Variants in IFRD1 observed in about 807,000 individuals in gnomAD.
IFRD1 encodes interferon related developmental regulator 1.
In IFRD1, 35 loss-of-function variants were observed where a neutral mutation model predicts 52.9. The observed-to-expected ratio is 0.66, with a 90% CI of 0.51 to 0.88. The LOEUF (loss-of-function observed/expected upper bound fraction) is 0.88, where lower values mean the gene tolerates loss of function less well. Ranked by LOEUF, IFRD1 falls within the 40% of genes least tolerant of loss-of-function variation. The probability of loss-of-function intolerance (pLI) is 0.00; values close to 1 mark genes in which losing one functional copy is unlikely to be tolerated. For synonymous variants in IFRD1, 184 were observed against 188.4 expected (o/e 0.98, Z 0.19); for missense variants, 517 against 550.8 (o/e 0.94, Z 0.61).
At chr7:112,445,062 C>CT (rs3057810) in intron 1 of IFRD1, among the ~76,000 whole-genome samples, 6,844 of 102,682 alleles carry the variant, frequency 0.067, 276 homozygotes, top group Admixed American at 0.13. Flanking sequence ...CCTAGGCTTT[C>CT]TTTTTTTTTT....
chr7:112,429,748 G>A (rs970383900), intron 1 of IFRD1, among the ~76,000 whole-genome samples: 14 of 151,756 alleles, frequency 9.2e-5, no homozygotes, highest in Admixed American at 3.3e-4. Context: ...TTTTTCTTTC[G>A]GGATAAGGCA....
chr7:112,459,850 A>G (rs901909379), intron 5 of IFRD1, among the ~76,000 whole-genome samples: 1 of 152,226 alleles, frequency 6.6e-6, no homozygotes, highest in Admixed American at 6.5e-5. Context: ...CTTACCAGCC[A>G]CCTGGAGGCT....
chr7:112,450,830 C>T (rs755026374), intron 1 of IFRD1, 48 bp downstream of exon 1: 49 of 1,327,412 alleles, frequency 3.7e-5, no homozygotes, highest in Non-Finnish European at 4.7e-5. Flanking sequence ...GCCAGGCTGG[C>T]GAGTCTTCCA....
intron 8 of IFRD1, among the ~76,000 whole-genome samples, chr7:112,462,829 G>C (rs1403220126): frequency 2.1e-5 from 1 of 48,716 alleles, no homozygotes; most frequent in African/African-American, 1.2e-4. Context: ...AATAAACACT[G>C]CTCATTAAGA....
At chr7:112,464,538 A>C (rs1178247159) in intron 8 of IFRD1, among the ~76,000 whole-genome samples, 2 of 152,154 alleles carry the variant, frequency 1.3e-5, no homozygotes, top group Non-Finnish European at 2.9e-5. Context: ...AAAATGGATA[A>C]ATTATTAGTC....
At chr7:112,446,701 A>C (rs545886990), upstream of IFRD1, among the ~76,000 whole-genome samples, 1 of 152,286 alleles carries the variant, frequency 6.6e-6, no homozygotes, top group African/African-American at 2.4e-5. Flanking sequence ...CGGGTTGATC[A>C]TATCAGGCAG....
chr7:112,450,452 C>A, upstream of IFRD1: 2 of 570,058 alleles, frequency 3.5e-6, no homozygotes, highest in South Asian at 3.9e-5. Flanking sequence ...CGTGGCCTCC[C>A]CTGCCCCGCC....
At chr7:112,446,358 C>T, upstream of IFRD1, 1 of 187,816 alleles carries the variant, frequency 5.3e-6, no homozygotes, top group African/African-American at 2.4e-5. Flanking sequence ...TACGCTTATT[C>T]TTCTCAGGAG....
At chr7:112,432,006 C>T (rs180949648) in intron 1 of IFRD1, among the ~76,000 whole-genome samples, 30 of 152,288 alleles carry the variant, frequency 2.0e-4, no homozygotes, top group Admixed American at 1.2e-3. Flanking sequence ...GTTGTGTTGG[C>T]GGTATGAACA....
chr7:112,457,273 A>G (rs1795319745), intron 4 of IFRD1: 1 of 589,938 alleles, frequency 1.7e-6, no homozygotes, highest in East Asian at 2.8e-5. Flanking sequence ...GTAGATTGTC[A>G]TCAACCTTTT....
intron 1 of IFRD1, among the ~76,000 whole-genome samples, chr7:112,440,495 A>G (rs1794853791): frequency 6.6e-6 from 1 of 152,256 alleles, no homozygotes; most frequent in South Asian, 2.1e-4. Flanking sequence ...TCAGTTTGGC[A>G]TAGGTTTTTA....
At chr7:112,438,112 G>A (rs1193912514) in intron 1 of IFRD1, among the ~76,000 whole-genome samples, 1 of 152,166 alleles carries the variant, frequency 6.6e-6, no homozygotes, top group East Asian at 1.9e-4. Context: ...GGGTTCTGGA[G>A]TTTGGGATAA....
intron 1 of IFRD1, among the ~76,000 whole-genome samples, chr7:112,444,398 G>A (rs758718146): frequency 3.3e-5 from 5 of 152,088 alleles, no homozygotes; most frequent in Non-Finnish European, 5.9e-5. Flanking sequence ...TTTGCCCGCC[G>A]AATCATTTCT....
chr7:112,427,593 GA>G, intron 1 of IFRD1, among the ~76,000 whole-genome samples: 1 of 152,106 alleles, frequency 6.6e-6, no homozygotes, highest in Non-Finnish European at 1.5e-5. Context: ...ATGATAAGTA[GA>G]AAAACAACAT....
At position 112,459,116 on chromosome 7, in the gene IFRD1, A is replaced by G. The variant is rs1049504022; in HGVS notation, c.567+98A>G. On this transcript the variant is annotated intron_variant, in intron 5 of 11. Coordinates refer to ENST00000403825, the MANE Select transcript of IFRD1 (RefSeq NM_001550.4). ...TACCAGCTACTCAAGAGGCTGAGGC[A>G]AGAGAGAGGATCTTGTAAGTCCAGG... 17 of 1,020,040 alleles carry G rather than the reference A, an allele frequency of 1.7e-5. No individual in the cohort carries two copies. The African/African-American group carries it at 1.9e-4, about 11-fold the overall frequency. 63.2% of individuals were successfully genotyped at this position (1,020,040 alleles called of 1,614,324 possible).
At chr7:112,463,424 C>CAATGGAATTTTGTTTTT (rs1795495546) in intron 8 of IFRD1, among the ~76,000 whole-genome samples, 2 of 152,092 alleles carry the variant, frequency 1.3e-5, no homozygotes, top group Non-Finnish European at 2.9e-5. Flanking sequence ...CATTCTAGGC[C>CAATGGAATTTTGTTTTT]TGTATTGAAG....
chr7:112,431,150 C>G (rs971798323), intron 1 of IFRD1, among the ~76,000 whole-genome samples: 7 of 152,174 alleles, frequency 4.6e-5, no homozygotes, highest in African/African-American at 1.4e-4. Flanking sequence ...TAGTGCTTTA[C>G]AGGGCACAAA....
rs192986341 is a variant in IFRD1 at position 112,476,793 on chromosome 7, C to T, written c.*1274C>T. 1 of 152,250 alleles carries T rather than the reference C, an allele frequency of 6.6e-6. No individual in the cohort carries two copies. Among genetic ancestry groups the T allele is most frequent in the Admixed American group, 6.5e-5 (1 of 15,290 alleles). 9.4% of individuals were successfully genotyped at this position (152,250 alleles called of 1,614,324 possible). ...TGCAAGCAACATGCCATTTCAAATC[C>T]GTAGACTTGTTTCTTTGATACTCTT... On this transcript the variant is annotated 3_prime_UTR_variant, in exon 12 of 12. Transcript: ENST00000403825.
At chr7:112,456,556 T>G (rs1056161462) in intron 3 of IFRD1, among the ~76,000 whole-genome samples, 4 of 151,592 alleles carry the variant, frequency 2.6e-5, no homozygotes, top group Non-Finnish European at 2.9e-5. Context: ...AAGATGCAAT[T>G]CTAGACTTTT....
Sources: allele counts gnomAD v4.1 joint callset (sites outside exome capture counted in the v4.1 genomes callset), GRCh38; gene constraint gnomAD v4.1.1; transcripts MANE v1.5; gene names NCBI Gene and HGNC (gene_info 2026-07-23, HGNC 2026-07-21).